The following PTPRZ1 variants were observed in gnomAD, a reference collection of about 807,000 sequenced individuals.
PTPRZ1 encodes receptor-type tyrosine-protein phosphatase zeta.
Under a neutral mutation model 214.1 loss-of-function variants are expected in PTPRZ1, and 82 were observed. That is an observed-to-expected ratio of 0.38 (90% CI 0.32 to 0.46). The LOEUF (loss-of-function observed/expected upper bound fraction) is 0.46. PTPRZ1 is among the 20% of genes least tolerant of loss of function. The pLI is 1.00. For missense variants in PTPRZ1, 2,603 were observed against 2,748.7 expected (o/e 0.95, Z 1.19); for synonymous variants, 945 against 987.9 (o/e 0.96, Z 0.81).
At chr7:122,013,927 G>C in intron 12 of PTPRZ1, 38 bp downstream of exon 12, 1 of 1,469,554 alleles carries the variant, frequency 6.8e-7, no homozygotes, top group Non-Finnish European at 9.1e-7. Context: ...GAGGTGTGGT[G>C]GTTTGCTTGC....
At chr7:121,895,564 A>T (rs1362017965) in intron 1 of PTPRZ1, among the ~76,000 whole-genome samples, 1 of 152,192 alleles carries the variant, frequency 6.6e-6, no homozygotes, top group East Asian at 1.9e-4. Flanking sequence ...ACAAGTTGTA[A>T]AGGCTTAGTT....
intron 2 of PTPRZ1, among the ~76,000 whole-genome samples, chr7:121,932,325 T>C (rs1377582076): frequency 6.6e-6 from 1 of 152,216 alleles, no homozygotes; most frequent in Non-Finnish European, 1.5e-5. Flanking sequence ...TTTGGTAGTA[T>C]TTTTTAATTT....
chr7:121,923,679 G>T (rs1795667118), intron 1 of PTPRZ1, among the ~76,000 whole-genome samples: 1 of 137,106 alleles, frequency 7.3e-6, no homozygotes, highest in African/African-American at 3.0e-5. Context: ...TAGAAAATCA[G>T]CACCCTGATT....
chr7:122,061,153 C>T lies in PTPRZ1; in HGVS notation c.6881C>T (p.Ser2294Phe), dbSNP rs1217311243. ...AGGCAGGAAGAGAATCCATCCACCT[C>T]TCTGGACAGTAATGGTGCAGCATTG... ...STRQEENPST[S>F]LDSNGAALPD... The change falls in exon 30 of 30, where the codon TCT becomes TTT. Residue 2294 changes from serine to phenylalanine, a missense_variant. Around this residue, in one of 6 missense-constraint regions of PTPRZ1, gnomAD observed 165 missense variants for 151.4 expected, o/e 1.09. Transcript: ENST00000393386. 6.2e-7 allele frequency: 1 copy of T among 1,610,308 alleles called. No homozygotes were observed. Among genetic ancestry groups the T allele is most frequent in the Non-Finnish European group, 8.5e-7 (1 of 1,177,456 alleles).
chr7:121,887,841 G>A (rs572526621), intron 1 of PTPRZ1, among the ~76,000 whole-genome samples: 4 of 152,032 alleles, frequency 2.6e-5, no homozygotes, highest in African/African-American at 9.6e-5. Context: ...AAAAGATACC[G>A]GATCCCTCTC....
intron 1 of PTPRZ1, among the ~76,000 whole-genome samples, chr7:121,919,422 CATTT>C (rs1795524877): frequency 1.3e-5 from 2 of 151,968 alleles, no homozygotes; most frequent in Non-Finnish European, 2.9e-5. Context: ...TGTATTTTAA[CATTT>C]ATCAATAGCT....
chr7:122,019,912 A>G (rs1329870963), intron 13 of PTPRZ1, among the ~76,000 whole-genome samples: 2 of 152,182 alleles, frequency 1.3e-5, no homozygotes, highest in Non-Finnish European at 2.9e-5. Context: ...AGCAGAACAC[A>G]CAGCAAATTA....
intron 1 of PTPRZ1, among the ~76,000 whole-genome samples, chr7:121,882,547 T>A (rs1452178614): frequency 6.6e-6 from 1 of 152,066 alleles, no homozygotes; most frequent in Non-Finnish European, 1.5e-5. Context: ...CAGTAAAAGG[T>A]CTCAAATGGT....
At chr7:122,025,326 T>C (rs1189219262) in intron 13 of PTPRZ1, among the ~76,000 whole-genome samples, 1 of 151,146 alleles carries the variant, frequency 6.6e-6, no homozygotes, top group Non-Finnish European at 1.5e-5. Context: ...TTTTCTTTTT[T>C]TTTCTTTTTT....
intron 1 of PTPRZ1, among the ~76,000 whole-genome samples, chr7:121,883,615 C>T (rs967333674): frequency 2.0e-5 from 3 of 152,170 alleles, no homozygotes; most frequent in Admixed American, 2.0e-4. Context: ...TAAAAATTGA[C>T]TTTGGCAGTT....
chr7:121,983,381 A>G (rs1797671597), intron 6 of PTPRZ1, among the ~76,000 whole-genome samples: 1 of 152,220 alleles, frequency 6.6e-6, no homozygotes, highest in South Asian at 2.1e-4. Flanking sequence ...TGATATAACT[A>G]TATCTATTGA....
intron 2 of PTPRZ1, among the ~76,000 whole-genome samples, chr7:121,965,768 C>T (rs147697106): frequency 2.7e-3 from 408 of 152,230 alleles, no homozygotes; most frequent in Non-Finnish European, 4.5e-3. Context: ...ATAGGTGGTA[C>T]TACTACAGAA....
At chr7:121,902,486 A>G (rs1272267400) in intron 1 of PTPRZ1, among the ~76,000 whole-genome samples, 1 of 152,180 alleles carries the variant, frequency 6.6e-6, no homozygotes, top group African/African-American at 2.4e-5. Context: ...TTGACAGGGA[A>G]TAAGAGTTCT....
In PTPRZ1 at chr7:122,011,684, C is replaced by T; in HGVS notation, c.2638C>T (p.Leu880=). 1 of 1,614,086 alleles carries T rather than the reference C, an allele frequency of 6.2e-7. No individual in the cohort carries two copies. The highest frequency in any genetic ancestry group is 8.5e-7 in the Non-Finnish European group (1 of 1,180,020). ...EPSLAQYSDV[L]STTHAASETL... ...CAGCCTTGCTCAGTATTCTGATGTG[C>T]TGTCCACTACTCATGCTGCTTCAGA... Residue 880 remains leucine, a synonymous_variant, in exon 12 of 30, where the codon CTG becomes TTG. Coordinates refer to ENST00000393386, the MANE Select transcript of PTPRZ1 (RefSeq NM_002851.3).
intron 8 of PTPRZ1, among the ~76,000 whole-genome samples, chr7:121,996,053 T>A (rs1342019264): frequency 2.6e-5 from 4 of 152,246 alleles, no homozygotes; most frequent in South Asian, 4.1e-4. Flanking sequence ...TACGAAAGTA[T>A]GCAAATAATG....
At chr7:121,976,991 C>T (rs1328956540) in intron 6 of PTPRZ1, 140 bp downstream of exon 6, 2 of 542,260 alleles carry the variant, frequency 3.7e-6, no homozygotes, top group African/African-American at 3.9e-5. Flanking sequence ...ACTTTCCACA[C>T]TTGATAATTT....
chr7:121,977,753 A>T (rs1797487114), intron 6 of PTPRZ1, among the ~76,000 whole-genome samples: 1 of 150,216 alleles, frequency 6.7e-6, no homozygotes, highest in South Asian at 2.1e-4. Flanking sequence ...TGAAGCTGTT[A>T]CCTCCCTCCA....
At chr7:122,005,224 T>C (rs1798450416) in intron 11 of PTPRZ1, among the ~76,000 whole-genome samples, 1 of 152,030 alleles carries the variant, frequency 6.6e-6, no homozygotes, top group South Asian at 2.1e-4. Context: ...ATAAAATGTA[T>C]AGGTATTTGA....
At chr7:121,931,238 T>C (rs1265125432) in intron 2 of PTPRZ1, among the ~76,000 whole-genome samples, 1 of 152,206 alleles carries the variant, frequency 6.6e-6, no homozygotes, top group Non-Finnish European at 1.5e-5. Flanking sequence ...AAGAGTAATA[T>C]ATAACTGCTT....
Sources: gnomAD v4.1 joint callset for allele counts (sites outside exome capture counted in the v4.1 genomes callset) on GRCh38, gnomAD v4.1.1 for gene constraint, gnomAD v4.1.1 regional missense constraint, MANE v1.5 for transcripts, NCBI Gene and HGNC (gene_info 2026-07-23, HGNC 2026-07-21) for gene names.